Variants in DECR1 observed in about 807,000 individuals in gnomAD.
DECR1 encodes the protein 2,4-dienoyl-CoA reductase 1, also known as 2,4-dienoyl-CoA reductase [(3E)-enoyl-CoA-producing], mitochondrial.
DECR1 carries 44 observed loss-of-function variants against 38.8 expected under a neutral mutation model. The observed-to-expected ratio is 1.13, with a 90% CI of 0.89 to 1.46. The LOEUF is 1.46. Ranked by LOEUF, DECR1 falls within the 40% of genes most tolerant of loss-of-function variation. The probability of loss-of-function intolerance (pLI) is 0.00; values close to 1 mark genes in which losing one functional copy is unlikely to be tolerated. For missense variants in DECR1, 428 were observed against 405.5 expected, an observed-to-expected ratio of 1.06 and a Z score of -0.48; for synonymous variants, 148 against 135.2, an observed-to-expected ratio of 1.09 and a Z score of -0.66.
At chr8:90,039,626 C>G (rs749747272) in intron 6 of DECR1, among the ~76,000 whole-genome samples, 10 of 152,182 alleles carry the variant, frequency 6.6e-5, no homozygotes, top group Non-Finnish European at 1.2e-4. Context: ...CCTCCTTTCC[C>G]CTGCCTCTTG....
At chr8:90,035,040 A>G (rs959690098) in intron 5 of DECR1, among the ~76,000 whole-genome samples, 2 of 152,146 alleles carry the variant, frequency 1.3e-5, no homozygotes, top group Non-Finnish European at 2.9e-5. Flanking sequence ...ATATAACTCC[A>G]TTGTCTTCTA....
intron 1 of DECR1, among the ~76,000 whole-genome samples, chr8:90,010,514 G>T (rs768520160): frequency 2.6e-5 from 4 of 152,220 alleles, no homozygotes; most frequent in Non-Finnish European, 4.4e-5. Context: ...GTTATGGAAG[G>T]CTTCCTGTAT....
At chr8:90,011,398 A>G (rs557397453) in intron 1 of DECR1, among the ~76,000 whole-genome samples, 3 of 152,180 alleles carry the variant, frequency 2.0e-5, no homozygotes, top group Non-Finnish European at 4.4e-5. Context: ...TTTCTATTAC[A>G]AACAATTCTT....
At chr8:90,032,672 C>T (rs1299645448) in intron 5 of DECR1, among the ~76,000 whole-genome samples, 2 of 152,068 alleles carry the variant, frequency 1.3e-5, no homozygotes, top group Non-Finnish European at 2.9e-5. Flanking sequence ...AGTAAATAAT[C>T]ATGTAATATC....
chr8:90,044,713 G>A, intron 7 of DECR1, 136 bp from the exon 8 acceptor site: 1 of 787,098 alleles, frequency 1.3e-6, no homozygotes, highest in Admixed American at 3.1e-5. Flanking sequence ...ATAATTTGGT[G>A]AAATTCTTTT....
intron 8 of DECR1, among the ~76,000 whole-genome samples, chr8:90,046,173 C>T (rs1386870657): frequency 6.6e-6 from 1 of 152,228 alleles, no homozygotes; most frequent in Non-Finnish European, 1.5e-5. Context: ...CGGAACAAAG[C>T]TGGACGGAGA....
intron 1 of DECR1, chr8:90,016,727 A>G (rs904177775): frequency 6.2e-6 from 1 of 160,240 alleles, no homozygotes; most frequent in Non-Finnish European, 1.4e-5. Context: ...CCTGCAGCTA[A>G]TAATGGTAGC....
chr8:90,040,313 C>G (rs527365811), intron 6 of DECR1, among the ~76,000 whole-genome samples: 14 of 152,142 alleles, frequency 9.2e-5, no homozygotes, highest in Non-Finnish European at 2.1e-4. Flanking sequence ...GAAAGAGATA[C>G]AGCCCACCCA....
At chr8:90,005,698 G>C in intron 1 of DECR1, 1 of 335,294 alleles carries the variant, frequency 3.0e-6, no homozygotes, top group Non-Finnish European at 5.9e-6. Context: ...TTGTACCTCA[G>C]TCTGTGTTGC....
chr8:90,007,167 T>G (rs934702559), intron 1 of DECR1, among the ~76,000 whole-genome samples: 3 of 151,910 alleles, frequency 2.0e-5, no homozygotes, highest in African/African-American at 7.3e-5. Context: ...TAGGAAAGAG[T>G]TCATGTTTGG....
At chr8:90,027,936 T>C (rs1226447014) in intron 5 of DECR1, among the ~76,000 whole-genome samples, 4 of 152,162 alleles carry the variant, frequency 2.6e-5, no homozygotes, top group Non-Finnish European at 5.9e-5. Flanking sequence ...TCCTTCATTT[T>C]GGTAAATTAT....
rs1424190189 is a variant in DECR1 at position 90,042,718 on chromosome 8, T to A, written c.666-10T>A. ...ATTTCAGAATGTATGTTGTTGATTT[T>A]AATTTTTAGGTCTCTTGCAGCTGAA... On this transcript the variant is annotated splice_polypyrimidine_tract_variant and intron_variant, in intron 6 of 9. Coordinates refer to ENST00000220764, the MANE Select transcript of DECR1 (RefSeq NM_001359.2). 2 of 1,611,240 alleles carry A rather than the reference T, an allele frequency of 1.2e-6. No individual in the cohort carries two copies. Among genetic ancestry groups the A allele is most frequent in the South Asian group, 2.2e-5 (2 of 91,006 alleles).
At chr8:90,007,718 A>C (rs1471645318) in intron 1 of DECR1, among the ~76,000 whole-genome samples, 4 of 152,226 alleles carry the variant, frequency 2.6e-5, no homozygotes, top group Non-Finnish European at 5.9e-5. Flanking sequence ...TGACATCAAA[A>C]GAGGGGGGAA....
At chr8:90,004,536 G>A (rs1351550959) in intron 1 of DECR1, among the ~76,000 whole-genome samples, 1 of 152,150 alleles carries the variant, frequency 6.6e-6, no homozygotes, top group Non-Finnish European at 1.5e-5. Flanking sequence ...GTAAAAGGAT[G>A]GATAGGCATA....
chr8:90,045,800 A>G (rs1465627826), intron 8 of DECR1, among the ~76,000 whole-genome samples: 1 of 152,126 alleles, frequency 6.6e-6, no homozygotes, highest in African/African-American at 2.4e-5. Context: ...GCCAACTGAC[A>G]CCTCATACAG....
chr8:90,034,429 T>C (rs1813569600), intron 5 of DECR1, among the ~76,000 whole-genome samples: 4 of 151,560 alleles, frequency 2.6e-5, no homozygotes, highest in Non-Finnish European at 1.5e-5. Context: ...TTTATTTGTT[T>C]ATTTATTTAT....
chr8:90,023,481 G>A (rs1411349359), intron 5 of DECR1, among the ~76,000 whole-genome samples: 1 of 151,894 alleles, frequency 6.6e-6, no homozygotes, highest in Non-Finnish European at 1.5e-5. Flanking sequence ...CAACTGATAA[G>A]CCTTTTATTT....
At chr8:90,016,533 G>A (rs1305483521) in intron 1 of DECR1, among the ~76,000 whole-genome samples, 4 of 152,034 alleles carry the variant, frequency 2.6e-5, no homozygotes, top group African/African-American at 9.7e-5. Context: ...ACTCTACTCG[G>A]GAGGCTGAGG....
intron 4 of DECR1, among the ~76,000 whole-genome samples, chr8:90,019,888 A>T (rs1813107190): frequency 6.6e-6 from 1 of 152,236 alleles, no homozygotes. Context: ...ATCAGAAAAC[A>T]AACTTGATTT....
Sources: gnomAD v4.1 joint callset for allele counts (sites outside exome capture counted in the v4.1 genomes callset) on GRCh38, gnomAD v4.1.1 for gene constraint, MANE v1.5 for transcripts, NCBI Gene and HGNC (gene_info 2026-07-23, HGNC 2026-07-21) for gene names.